SIPA1L1: variants seen among roughly 807,000 people sequenced by gnomAD.
The protein encoded by SIPA1L1 is signal induced proliferation associated 1 like 1, also known as signal-induced proliferation-associated 1-like protein 1.
A neutral mutation model predicts 162.7 loss-of-function variants in SIPA1L1; 26 were observed. The observed-to-expected ratio is 0.16, with a 90% CI of 0.12 to 0.22. The LOEUF (loss-of-function observed/expected upper bound fraction) is 0.22. SIPA1L1 is among the 10% of genes least tolerant of loss of function. The pLI is 1.00. For missense variants in SIPA1L1, 1,874 were observed against 2,241.0 expected, an observed-to-expected ratio of 0.84 and a Z score of 3.31; for synonymous variants, 829 against 837.4, an observed-to-expected ratio of 0.99 and a Z score of 0.17.
chr14:71,513,007 G>C (rs34480562), intron 3 of SIPA1L1, among the ~76,000 whole-genome samples, 162 bp downstream of exon 3: 24,828 of 152,048 alleles, frequency 0.16, 2,634 homozygotes, highest in Middle Eastern at 0.35. Context: ...CACCTTTCCA[G>C]ATCGAACCAA....
chr14:71,559,511 T>C (rs766760836), intron 4 of SIPA1L1, among the ~76,000 whole-genome samples: 4 of 152,240 alleles, frequency 2.6e-5, no homozygotes, highest in Non-Finnish European at 5.9e-5. Context: ...TTGTAAAATA[T>C]TGTCAAGCAT....
chr14:71,324,806 T>C (rs1183470095), intron 2 of SIPA1L1, among the ~76,000 whole-genome samples: 1 of 152,232 alleles, frequency 6.6e-6, no homozygotes, highest in East Asian at 1.9e-4. Context: ...TTCTGGACCA[T>C]GGCCAACTAA....
chr14:71,725,544 G>A (rs148232634), intron 19 of SIPA1L1, among the ~76,000 whole-genome samples: 2 of 152,292 alleles, frequency 1.3e-5, no homozygotes, highest in Non-Finnish European at 2.9e-5. Flanking sequence ...GTACGTTTTT[G>A]TGTTGTCCAG....
intron 4 of SIPA1L1, among the ~76,000 whole-genome samples, chr14:71,567,655 T>C (rs2030986034): frequency 6.6e-6 from 1 of 150,684 alleles, no homozygotes; most frequent in African/African-American, 2.5e-5. Context: ...TGAGGGTACC[T>C]CCCCTTTTTA....
intron 3 of SIPA1L1, among the ~76,000 whole-genome samples, chr14:71,516,609 G>A (rs184090861): frequency 2.0e-5 from 3 of 152,254 alleles, no homozygotes; most frequent in Admixed American, 6.5e-5. Flanking sequence ...CTGGGCTCAA[G>A]CAGTCTTCCT....
intron 20 of SIPA1L1, among the ~76,000 whole-genome samples, chr14:71,730,513 C>T (rs966324059): frequency 6.6e-6 from 1 of 152,184 alleles, no homozygotes; most frequent in Non-Finnish European, 1.5e-5. Flanking sequence ...CAGATTCCCA[C>T]ACTGGACCCA....
At chr14:71,570,981 G>A (rs2031885105) in intron 4 of SIPA1L1, among the ~76,000 whole-genome samples, 1 of 152,126 alleles carries the variant, frequency 6.6e-6, no homozygotes, top group South Asian at 2.1e-4. Context: ...TTTTAGTAGA[G>A]GCGGGGTTTC....
At chr14:71,473,102 T>C (rs1397798409) in intron 2 of SIPA1L1, among the ~76,000 whole-genome samples, 1 of 152,124 alleles carries the variant, frequency 6.6e-6, no homozygotes, top group Non-Finnish European at 1.5e-5. Context: ...GAGAGGCTTT[T>C]TAAATTTGGT....
chr14:71,573,730 A>G (rs947900600), intron 4 of SIPA1L1: 3 of 456,606 alleles, frequency 6.6e-6, no homozygotes, highest in Non-Finnish European at 1.3e-5. Flanking sequence ...CTCCCCCTAA[A>G]ATGAAACAAT....
intron 5 of SIPA1L1, among the ~76,000 whole-genome samples, chr14:71,612,305 A>G (rs1244723136): frequency 6.6e-6 from 1 of 152,220 alleles, no homozygotes. Flanking sequence ...CCAGCAATAT[A>G]TGAATATATT....
intron 4 of SIPA1L1, among the ~76,000 whole-genome samples, chr14:71,555,335 C>T (rs1303248909): frequency 6.6e-6 from 1 of 152,188 alleles, no homozygotes; most frequent in African/African-American, 2.4e-5. Context: ...CTTCCCGAAA[C>T]CTGATGAACC....
intron 2 of SIPA1L1, among the ~76,000 whole-genome samples, chr14:71,373,078 G>A (rs1357673184): frequency 1.3e-5 from 2 of 152,054 alleles, no homozygotes; most frequent in African/African-American, 4.8e-5. Flanking sequence ...TTGGGAGGCC[G>A]ATGCAGGCGG....
chr14:71,324,677 A>T (rs1051639379), intron 2 of SIPA1L1, among the ~76,000 whole-genome samples: 3 of 152,198 alleles, frequency 2.0e-5, no homozygotes, highest in African/African-American at 7.2e-5. Flanking sequence ...ATTTGCACAG[A>T]GCATAATGTA....
intron 4 of SIPA1L1, among the ~76,000 whole-genome samples, chr14:71,578,693 G>A (rs374278771): frequency 2.0e-5 from 3 of 152,216 alleles, no homozygotes; most frequent in Non-Finnish European, 4.4e-5. Flanking sequence ...TACTGTATTT[G>A]TCAGTACTGT....
intron 2 of SIPA1L1, among the ~76,000 whole-genome samples, chr14:71,329,638 C>T (rs1246309750): frequency 6.6e-6 from 1 of 152,014 alleles, no homozygotes; most frequent in East Asian, 1.9e-4. Flanking sequence ...TAGGAACCAT[C>T]TTAATGGATG....
chr14:71,549,682 T>G (rs1261494915), intron 4 of SIPA1L1, among the ~76,000 whole-genome samples: 1 of 152,216 alleles, frequency 6.6e-6, no homozygotes, highest in Non-Finnish European at 1.5e-5. Flanking sequence ...TAAATTCCAA[T>G]GTACCCAGTT....
At position 71,377,114 on chromosome 14, in the gene SIPA1L1, C is replaced by T. The variant is rs537460272; in HGVS notation, c.-465+55933C>T. ...TCACTTTCCAGATGTGGCGGCCGGG[C>T]AGAGGGGCCCCCCCACCCCCCAGAT... On this transcript the variant is annotated intron_variant, in intron 2 of 23. Coordinates refer to ENST00000381232, the MANE Select transcript of SIPA1L1 (RefSeq NM_001386936.1). This position sits in a 1 kb window ranked among gnomAD's most constrained non-coding sequence, Gnocchi z 4.8. Among the ~76,000 whole-genome samples the T allele has an allele frequency of 1.8e-4, 27 of 151,248 alleles. No homozygotes were observed. The highest frequency in any genetic ancestry group is 6.6e-5 in the Admixed American group (1 of 15,242).
chr14:71,473,723 T>C (rs376854680), intron 2 of SIPA1L1, among the ~76,000 whole-genome samples: 1 of 152,204 alleles, frequency 6.6e-6, no homozygotes, highest in East Asian at 1.9e-4. Context: ...TTAAAAATGC[T>C]GAGGAAGGAT....
chr14:71,600,671 G>A (rs1304197819), intron 5 of SIPA1L1, among the ~76,000 whole-genome samples: 1 of 152,130 alleles, frequency 6.6e-6, no homozygotes, highest in South Asian at 2.1e-4. Context: ...CACTGAATCT[G>A]TAAAATGTTG....
Sources: gnomAD v4.1 joint callset for allele counts (sites outside exome capture counted in the v4.1 genomes callset) on GRCh38, gnomAD v4.1.1 for gene constraint, Gnocchi (gnomAD v3.1) non-coding constraint, MANE v1.5 for transcripts, NCBI Gene and HGNC (gene_info 2026-07-23, HGNC 2026-07-21) for gene names.